Variants in ARHGEF4 observed in about 807,000 individuals in gnomAD.
The protein encoded by ARHGEF4 is Rho guanine nucleotide exchange factor 4.
In ARHGEF4, 119 loss-of-function variants were observed where a neutral mutation model predicts 162.0. The ratio of observed to expected loss-of-function variants is 0.73; its 90% CI spans 0.63 to 0.86. ARHGEF4 has a LOEUF of 0.86. ARHGEF4 is among the 40% of genes least tolerant of loss of function. The probability of loss-of-function intolerance (pLI) is 0.00; values close to 1 mark genes in which losing one functional copy is unlikely to be tolerated. For synonymous variants in ARHGEF4, 1,014 were observed against 979.9 expected (o/e 1.03, Z -0.65); for missense variants, 2,488 against 2,456.0 (o/e 1.01, Z -0.28).
intron 1 of ARHGEF4, among the ~76,000 whole-genome samples, chr2:130,870,724 C>G (rs35320142): frequency 1.6e-3 from 246 of 152,200 alleles, no homozygotes; most frequent in Non-Finnish European, 2.6e-3. Context: ...TAATTTCTTA[C>G]AAGGCTATGG....
At chr2:130,918,669 A>G (rs1301338479) in intron 2 of ARHGEF4, among the ~76,000 whole-genome samples, 2 of 152,174 alleles carry the variant, frequency 1.3e-5, no homozygotes, top group Admixed American at 6.5e-5. Context: ...GGCTGCTAAG[A>G]GGGGCGGAGC....
intron 1 of ARHGEF4, among the ~76,000 whole-genome samples, chr2:130,864,924 G>A (rs979421660): frequency 1.7e-4 from 26 of 152,200 alleles, no homozygotes; most frequent in Non-Finnish European, 2.8e-4. Context: ...GCTGTCTGAA[G>A]CACCTTTCCT....
At chr2:130,910,463 A>G (rs1284942878) in intron 1 of ARHGEF4, among the ~76,000 whole-genome samples, 1 of 152,190 alleles carries the variant, frequency 6.6e-6, no homozygotes, top group Non-Finnish European at 1.5e-5. Context: ...TCATAGGAAG[A>G]TGTAACAGTT....
intron 4 of ARHGEF4, among the ~76,000 whole-genome samples, chr2:130,967,564 C>T (rs1045607250): frequency 1.3e-5 from 2 of 152,204 alleles, no homozygotes; most frequent in South Asian, 2.1e-4. Flanking sequence ...CACATTCCCC[C>T]GCAGGCTTCT....
intron 1 of ARHGEF4, among the ~76,000 whole-genome samples, chr2:130,879,742 G>C (rs1679075894): frequency 6.6e-6 from 1 of 151,988 alleles, no homozygotes. Flanking sequence ...GTTCATCCAT[G>C]TTGTTGCAAA....
At chr2:130,880,077 G>A (rs959264703) in intron 1 of ARHGEF4, among the ~76,000 whole-genome samples, 27 of 152,320 alleles carry the variant, frequency 1.8e-4, no homozygotes, top group African/African-American at 5.1e-4. Context: ...GTAAGCACGC[G>A]ATGCCATTTA....
intron 1 of ARHGEF4, among the ~76,000 whole-genome samples, chr2:130,907,749 C>T (rs560430033): frequency 1.3e-5 from 2 of 151,530 alleles, no homozygotes; most frequent in Non-Finnish European, 2.9e-5. Context: ...GTCAGGAGAT[C>T]GAGACGATCC....
At chr2:130,961,560 C>T (rs1458430214) in intron 4 of ARHGEF4, among the ~76,000 whole-genome samples, 2 of 152,070 alleles carry the variant, frequency 1.3e-5, no homozygotes, top group Non-Finnish European at 2.9e-5. Flanking sequence ...CCAGGTCTTA[C>T]GAAGTGTGAA....
At chr2:131,035,946 G>A in intron 5 of ARHGEF4, 1 of 813,936 alleles carries the variant, frequency 1.2e-6, no homozygotes, top group Non-Finnish European at 1.5e-6. Context: ...GCACAGGAGG[G>A]GATCCCGCTC....
At chr2:130,988,310 C>A (rs1686658974) in intron 4 of ARHGEF4, among the ~76,000 whole-genome samples, 1 of 152,206 alleles carries the variant, frequency 6.6e-6, no homozygotes, top group Admixed American at 6.5e-5. Flanking sequence ...CAGCTCCAAG[C>A]CACGTGTGAG....
intron 1 of ARHGEF4, among the ~76,000 whole-genome samples, chr2:130,843,804 G>A (rs35593200): frequency 6.6e-6 from 1 of 152,208 alleles, no homozygotes; most frequent in Non-Finnish European, 1.5e-5. Context: ...GTATCCTCGG[G>A]AAATGCGCTG....
chr2:130,998,420 C>G (rs1687544683), intron 4 of ARHGEF4, among the ~76,000 whole-genome samples: 1 of 152,140 alleles, frequency 6.6e-6, no homozygotes, highest in Non-Finnish European at 1.5e-5. Context: ...GTCTACCATC[C>G]AGTACCATAC....
rs561979742 is a variant in ARHGEF4 at position 130,982,285 on chromosome 2, C to T, written c.3985+35650C>T. Among the ~76,000 whole-genome samples the T allele has an allele frequency of 6.0e-4, 91 of 152,228 alleles. 1 individual carries two copies. In the South Asian group the frequency reaches 0.018, roughly 30 times the overall value. On this transcript the variant is annotated intron_variant, in intron 4 of 13. Transcript: ENST00000409359. ...GATAACAGGCATGAGCCACCATGCC[C>T]GGCCTGCGTTTTTTTATAATATTTA...
intron 4 of ARHGEF4, among the ~76,000 whole-genome samples, chr2:130,978,862 C>A (rs1358452601): frequency 6.6e-6 from 1 of 152,182 alleles, no homozygotes; most frequent in Admixed American, 6.5e-5. Flanking sequence ...TAGTTCAGTC[C>A]ATGCAGTCAC....
chr2:130,998,814 CGTTTG>C (rs1687569912), intron 4 of ARHGEF4, among the ~76,000 whole-genome samples: 1 of 152,170 alleles, frequency 6.6e-6, no homozygotes, highest in African/African-American at 2.4e-5. Flanking sequence ...GTTTTCGACT[CGTTTG>C]GGTAAATACC....
chr2:130,852,715 A>T (rs1574099401), intron 1 of ARHGEF4, among the ~76,000 whole-genome samples: 1 of 152,172 alleles, frequency 6.6e-6, no homozygotes, highest in African/African-American at 2.4e-5. Context: ...AGCAGGACTG[A>T]GGTGGGCCTG....
rs984505419 is a variant in ARHGEF4 at position 131,000,917 on chromosome 2, G to A, written c.3986-27028G>A. On this transcript the variant is annotated intron_variant, in intron 4 of 13. Transcript: ENST00000409359. The stretch of plus-strand genomic sequence containing the variant: ...AGTGTGCCTTCTCACAGACTGGGGA[G>A]TAGTGGCGGACTTAGTAGACTAAGT... Among the ~76,000 whole-genome samples the A allele has an allele frequency of 4.1e-4, 63 of 152,310 alleles. 1 individual carries two copies. Among genetic ancestry groups the A allele is most frequent in the African/African-American group, 1.5e-3 (62 of 41,564 alleles).
chr2:131,031,115 TTTC>T (rs1689822033), intron 5 of ARHGEF4, among the ~76,000 whole-genome samples: 1 of 152,210 alleles, frequency 6.6e-6, no homozygotes. Context: ...ATTGTGGCCC[TTTC>T]TTATCTTTTT....
intron 4 of ARHGEF4, among the ~76,000 whole-genome samples, chr2:130,960,196 A>G (rs1684547868): frequency 6.6e-6 from 1 of 152,196 alleles, no homozygotes; most frequent in Non-Finnish European, 1.5e-5. Flanking sequence ...GTGAAGGCCT[A>G]GGATATTACT....
Sources: allele counts gnomAD v4.1 joint callset (sites outside exome capture counted in the v4.1 genomes callset), GRCh38; gene constraint gnomAD v4.1.1; transcripts MANE v1.5; gene names NCBI Gene and HGNC (gene_info 2026-07-23, HGNC 2026-07-21).